Variants in DYTN observed in about 807,000 individuals in gnomAD.
DYTN encodes the protein dystrotelin.
DYTN carries 75 observed loss-of-function variants against 69.6 expected under a neutral mutation model. That is an observed-to-expected ratio of 1.08 (90% CI 0.89 to 1.31). DYTN has a LOEUF of 1.31. DYTN is among the 50% of genes most tolerant of loss of function. DYTN has a pLI of 0.00. For synonymous variants in DYTN, 252 were observed against 249.1 expected (o/e 1.01, Z -0.11); for missense variants, 726 against 688.4 (o/e 1.05, Z -0.61).
chr2:206,698,306 A>AC (rs1699942014), intron 7 of DYTN, among the ~76,000 whole-genome samples: 1 of 151,972 alleles, frequency 6.6e-6, no homozygotes. Flanking sequence ...AACCCAATTC[A>AC]TTTTCTCAGC....
intron 9 of DYTN, among the ~76,000 whole-genome samples, chr2:206,680,755 A>C (rs1015918788): frequency 5.9e-5 from 9 of 152,128 alleles, no homozygotes; most frequent in African/African-American, 1.9e-4. Context: ...ATCCTTCTAC[A>C]TGTATCCCAC....
chr2:206,699,612 T>G, intron 7 of DYTN, 115 bp downstream of exon 7: 1 of 1,302,778 alleles, frequency 7.7e-7, no homozygotes. Flanking sequence ...GCCAAAAAAG[T>G]CAACTGAATT....
At position 206,704,857 on chromosome 2, in the gene DYTN, T is replaced by C; in HGVS notation, c.469A>G (p.Thr157Ala). Residue 157 changes from threonine (T) to alanine (A), a missense_variant, in exon 5 of 12, where the codon ACA becomes GCA. Physicochemically the swap from Thr to Ala is moderately conservative, Grantham distance 58. Coordinates refer to ENST00000452335, the MANE Select transcript of DYTN (RefSeq NM_001093730.1). Reference sequence around the variant, plus strand: ...TAGGAATTTACCTGCTGTAGATCTGTTAGTAGTTTTCTCAAAACCCTTCGA... The same window carrying C: ...TAGGAATTTACCTGCTGTAGATCTGCTAGTAGTTTTCTCAAAACCCTTCGA... ...MTRRVLRKLL[T>A]DLQQIPTFVG... is the part of the protein sequence containing the mutation. 1 of 1,613,486 alleles carries C rather than the reference T, an allele frequency of 6.2e-7. No homozygotes were observed. The highest frequency in any genetic ancestry group is 8.5e-7 in the Non-Finnish European group (1 of 1,179,686).
Position 206,651,815 on chromosome 2 carries a change from A to G in DYTN, c.*3T>C, listed in dbSNP as rs1206506217. On this transcript the variant is annotated 3_prime_UTR_variant, in exon 12 of 12. Transcript: ENST00000452335. ...CAAGAGGCCTTTGAGCCTGGACTCC[A>G]TTTCACTTCAAATTGGGCAAGGCAA... is the stretch of plus-strand genomic sequence containing the variant. 6.2e-7 allele frequency: 1 copy of G among 1,613,288 alleles called. No homozygotes were observed. The highest frequency in any genetic ancestry group is 1.7e-5 in the Admixed American group (1 of 59,958).
rs767931660 is a variant in DYTN, at chr2:206,707,319, G to C, written c.279C>G (p.Leu93=). 2 of 1,612,032 alleles carry C rather than the reference G, an allele frequency of 1.2e-6. No individual in the cohort carries two copies. Residue 93 remains leucine, a synonymous_variant, in exon 3 of 12, where the codon CTC becomes CTG. Transcript: ENST00000452335. ...ACCCTCACCTGTTGTACATTGTCGT[G>C]AGAAGGCTCAGAGTGAGTTCCGGAG... ...PRAPELTLSL[L]TTMYNSKGTG...
rs13396056 is a variant in DYTN, at chr2:206,714,635, G to A, written c.19+3626C>T. 9.5e-3 allele frequency among the ~76,000 whole-genome samples: 1,447 copies of A among 152,358 alleles called. 17 individuals carry two copies. Among genetic ancestry groups the A allele is most frequent in the African/African-American group, 0.029 (1,200 of 41,586 alleles). ...AAGAAGTTGGGAGATGTCTGACTAA[G>A]ATTGGGTTTAGGAGGTGTTTCCAGG... On this transcript the variant is annotated intron_variant, in intron 1 of 11. Coordinates refer to ENST00000452335, the MANE Select transcript of DYTN (RefSeq NM_001093730.1).
chr2:206,654,378 A>T (rs1430004442), intron 11 of DYTN, among the ~76,000 whole-genome samples: 2 of 152,194 alleles, frequency 1.3e-5, no homozygotes, highest in Non-Finnish European at 2.9e-5. Flanking sequence ...CTTTATGATG[A>T]TCTACTTCCA....
At chr2:206,684,999 G>A (rs1699789569) in intron 9 of DYTN, among the ~76,000 whole-genome samples, 1 of 152,200 alleles carries the variant, frequency 6.6e-6, no homozygotes, top group Non-Finnish European at 1.5e-5. Flanking sequence ...GGCATGTAAT[G>A]TAGGGAGCAT....
intron 9 of DYTN, among the ~76,000 whole-genome samples, chr2:206,691,743 T>G (rs887088213): frequency 6.6e-6 from 1 of 152,202 alleles, no homozygotes; most frequent in Non-Finnish European, 1.5e-5. Flanking sequence ...GAGGTCATTG[T>G]GTACTTTATC....
At chr2:206,676,892 T>C (rs1479146605) in intron 9 of DYTN, among the ~76,000 whole-genome samples, 1 of 152,046 alleles carries the variant, frequency 6.6e-6, no homozygotes, top group Non-Finnish European at 1.5e-5. Context: ...CATCAAATGG[T>C]ATACATTAAA....
At chr2:206,674,507 G>T (rs1224714094) in intron 9 of DYTN, among the ~76,000 whole-genome samples, 4 of 151,968 alleles carry the variant, frequency 2.6e-5, no homozygotes. Flanking sequence ...AATTGTTAAA[G>T]AAATAAATAA....
In DYTN at chr2:206,714,956, T is replaced by C. The variant is rs534729655; in HGVS notation, c.19+3305A>G. Reference sequence around the variant, plus strand: ...TCAGCCTAAATTTCTTTTTTTTTTTTTCTCGTCTTATTCAGCGTTTCATTA... The same window carrying C: ...TCAGCCTAAATTTCTTTTTTTTTTTCTCTCGTCTTATTCAGCGTTTCATTA... On this transcript the variant is annotated intron_variant, in intron 1 of 11. Coordinates refer to ENST00000452335, the MANE Select transcript of DYTN (RefSeq NM_001093730.1). Among the ~76,000 whole-genome samples the C allele has an allele frequency of 4.6e-5, 7 of 152,296 alleles. No homozygotes were observed. In the South Asian group the frequency reaches 1.5e-3, roughly 32 times the overall value.
At chr2:206,674,344 A>T (rs1319760715) in intron 9 of DYTN, among the ~76,000 whole-genome samples, 1 of 152,152 alleles carries the variant, frequency 6.6e-6, no homozygotes, top group Admixed American at 6.5e-5. Flanking sequence ...TTATTTTGAA[A>T]ATCTTGATAA....
In DYTN at chr2:206,693,157, A is replaced by G. The variant is rs376216891; in HGVS notation, c.980+18T>C. The G allele has an allele frequency of 1.4e-5, 23 of 1,595,398 alleles. No individual in the cohort carries two copies. The highest frequency in any genetic ancestry group is 2.0e-5 in the Non-Finnish European group (23 of 1,172,592). On this transcript the variant is annotated intron_variant, in intron 9 of 11. Coordinates refer to ENST00000452335, the MANE Select transcript of DYTN (RefSeq NM_001093730.1). ...GGTGGCTGCTCTGTGGGATCAGCCA[A>G]TCCTCGCAGCCACTCACCTGGCCTG...
At position 206,700,161 on chromosome 2, in the gene DYTN, C is replaced by T. The variant is rs1344792064; in HGVS notation, c.539G>A (p.Arg180His). ...RALCPVESAT[R>H]SCFQGVLSPA... ...GGCACTCACCCCTTGGAAACAGCTGCGGGTGGCACTTTCCACAGGGCACAG... is the reference window on the plus strand; with the variant it reads ...GGCACTCACCCCTTGGAAACAGCTGTGGGTGGCACTTTCCACAGGGCACAG... Residue 180 changes from arginine to histidine, a missense_variant, in exon 6 of 12, where the codon CGC becomes CAC. Coordinates refer to ENST00000452335, the MANE Select transcript of DYTN (RefSeq NM_001093730.1). The T allele has an allele frequency of 9.9e-6, 16 of 1,613,802 alleles. No individual in the cohort carries two copies. The highest frequency in any genetic ancestry group is 5.3e-5 in the African/African-American group (4 of 74,918).
intron 7 of DYTN, 45 bp from the exon 8 acceptor site, chr2:206,694,922 G>GAAGAAA: frequency 8.4e-6 from 6 of 714,036 alleles, no homozygotes; most frequent in South Asian, 4.1e-5. Flanking sequence ...TAGTAGATGA[G>GAAGAAA]AAAAAAAAAA....
At chr2:206,670,895 G>A (rs1404563336) in intron 9 of DYTN, among the ~76,000 whole-genome samples, 1 of 152,114 alleles carries the variant, frequency 6.6e-6, no homozygotes, top group African/African-American at 2.4e-5. Context: ...CTTTCCCTTG[G>A]CTTAGGAAGT....
At chr2:206,717,789 C>T (rs977854479) in intron 1 of DYTN, among the ~76,000 whole-genome samples, 1 of 152,110 alleles carries the variant, frequency 6.6e-6, no homozygotes, top group Non-Finnish European at 1.5e-5. Context: ...TGGCATTCAG[C>T]GATGTTAGAA....
At chr2:206,707,128 C>T (rs924968827) in intron 3 of DYTN, among the ~76,000 whole-genome samples, 174 bp downstream of exon 3, 1 of 152,020 alleles carries the variant, frequency 6.6e-6, no homozygotes, top group African/African-American at 2.4e-5. Context: ...TTCCTAAAGC[C>T]GATGGGCATT....
Sources: allele counts gnomAD v4.1 joint callset (sites outside exome capture counted in the v4.1 genomes callset), GRCh38; gene constraint gnomAD v4.1.1; transcripts MANE v1.5; gene names NCBI Gene and HGNC (gene_info 2026-07-23, HGNC 2026-07-21).